The following NRG1 variants were observed in gnomAD, a reference collection of about 807,000 sequenced individuals.
The protein encoded by NRG1 is neuregulin 1.
A neutral mutation model predicts 63.8 loss-of-function variants in NRG1; 18 were observed. The observed-to-expected ratio is 0.28, with a 90% CI of 0.19 to 0.42. The LOEUF (loss-of-function observed/expected upper bound fraction) is 0.42. Ranked by LOEUF, NRG1 falls within the 10% of genes least tolerant of loss-of-function variation. The pLI is 1.00. For missense variants in NRG1, 762 were observed against 814.7 expected, an observed-to-expected ratio of 0.94 and a Z score of 0.79; for synonymous variants, 302 against 301.3, an observed-to-expected ratio of 1.00 and a Z score of -0.02.
intron 1 of NRG1, among the ~76,000 whole-genome samples, chr8:31,661,976 G>A (rs1283690458): frequency 2.0e-5 from 3 of 152,132 alleles, no homozygotes; most frequent in East Asian, 1.9e-4. Flanking sequence ...TTCCTCAAAC[G>A]AGTTTCTGAA....
intron 1 of NRG1, among the ~76,000 whole-genome samples, chr8:31,918,378 C>A (rs568416995): frequency 6.6e-6 from 1 of 152,106 alleles, no homozygotes; most frequent in African/African-American, 2.4e-5. Context: ...TATGTCCCAT[C>A]GATACCTAAT....
chr8:31,692,849 T>C (rs993855551), intron 1 of NRG1, among the ~76,000 whole-genome samples: 1 of 152,056 alleles, frequency 6.6e-6, no homozygotes. Context: ...TTGTGAGGGG[T>C]TGGAACCTGA....
rs116183863 is a variant in NRG1, at chr8:32,764,024, C to A, written c.1536C>A (p.Ser512Arg). The A allele has an allele frequency of 2.7e-4, 435 of 1,614,102 alleles. 2 individuals carry two copies. Among genetic ancestry groups the A allele is most frequent in the Middle Eastern group, 1.7e-4 (1 of 6,060 alleles). The change falls in exon 12 of 12, where the codon AGC becomes AGA. Residue 512 changes from serine to arginine, a missense_variant. Around this residue, in one of 3 missense-constraint regions of NRG1, gnomAD observed 503 missense variants for 506.8 expected, o/e 0.99. Coordinates refer to ENST00000356819, the Ensembl canonical transcript of NRG1. ...ATGACAGTAACAGCCTCCCTGCTAGCCCCTTGAGGATAGTGGAGGATGAGG... is the reference window on the plus strand; with the variant it reads ...ATGACAGTAACAGCCTCCCTGCTAGACCCTTGAGGATAGTGGAGGATGAGG...
At chr8:31,768,121 A>T (rs10109836) in intron 1 of NRG1, among the ~76,000 whole-genome samples, 7,970 of 152,222 alleles carry the variant, frequency 0.052, 719 homozygotes, top group African/African-American at 0.18. Flanking sequence ...AAAGAAGTAG[A>T]ATGGGAGAGA....
upstream of NRG1, among the ~76,000 whole-genome samples, chr8:32,546,506 A>G (rs775786107): frequency 6.6e-6 from 1 of 152,194 alleles, no homozygotes. Context: ...TTTCCTGCTT[A>G]CTGAGCAGTG....
intron 1 of NRG1, among the ~76,000 whole-genome samples, chr8:32,326,785 T>A (rs912699818): frequency 7.2e-5 from 11 of 152,166 alleles, no homozygotes; most frequent in African/African-American, 2.4e-4. Flanking sequence ...TACTCAAAGT[T>A]CTTCAGAGAT....
chr8:32,545,014 T>G (rs1020075802), upstream of NRG1, among the ~76,000 whole-genome samples: 1 of 152,238 alleles, frequency 6.6e-6, no homozygotes, highest in Non-Finnish European at 1.5e-5. Context: ...TTAAAAAAGT[T>G]AAAAGTGACT....
At chr8:31,683,782 G>T (rs1808586123) in intron 1 of NRG1, among the ~76,000 whole-genome samples, 1 of 152,032 alleles carries the variant, frequency 6.6e-6, no homozygotes, top group Admixed American at 6.6e-5. Context: ...GGGAAGCTGT[G>T]CATGTGGGTG....
At chr8:32,460,205 C>T (rs1202832208) in intron 1 of NRG1, among the ~76,000 whole-genome samples, 1 of 152,162 alleles carries the variant, frequency 6.6e-6, no homozygotes, top group Admixed American at 6.5e-5. Context: ...TAGAAGACAC[C>T]ATCTAAAGTG....
chr8:32,430,593 C>T (rs1401023440), intron 1 of NRG1, among the ~76,000 whole-genome samples: 2 of 152,122 alleles, frequency 1.3e-5, no homozygotes, highest in African/African-American at 4.8e-5. Context: ...TATCTGACAA[C>T]TTGCAAATAT....
intron 6 of NRG1, 52 bp downstream of exon 6, chr8:32,728,130 A>G: frequency 1.2e-6 from 2 of 1,607,272 alleles, no homozygotes; most frequent in Non-Finnish European, 8.5e-7. Flanking sequence ...CTTGTTTCAG[A>G]TGATTCTATG....
chr8:31,845,890 G>A (rs1226524322), intron 1 of NRG1, among the ~76,000 whole-genome samples: 10 of 152,048 alleles, frequency 6.6e-5, no homozygotes, highest in African/African-American at 1.9e-4. Flanking sequence ...ATCTGTTTAC[G>A]AGACCTCACT....
intron 1 of NRG1, among the ~76,000 whole-genome samples, chr8:32,029,004 ATTCATCT>A (rs1563698125): frequency 6.6e-6 from 1 of 152,170 alleles, no homozygotes; most frequent in Non-Finnish European, 1.5e-5. Flanking sequence ...TGAAAGTGGC[ATTCATCT>A]CTATGGGTAG....
At chr8:32,038,497 TG>T (rs1022670629) in intron 1 of NRG1, among the ~76,000 whole-genome samples, 2 of 152,200 alleles carry the variant, frequency 1.3e-5, no homozygotes, top group African/African-American at 4.8e-5. Context: ...ACAAGAGATA[TG>T]AAAGTATGTA....
At chr8:31,812,379 T>TG (rs1822974311) in intron 1 of NRG1, among the ~76,000 whole-genome samples, 1 of 152,094 alleles carries the variant, frequency 6.6e-6, no homozygotes, top group African/African-American at 2.4e-5. Context: ...AATTCCCAGG[T>TG]GATGTGGCTG....
At chr8:31,716,721 A>G (rs1378509716) in intron 1 of NRG1, among the ~76,000 whole-genome samples, 2 of 152,206 alleles carry the variant, frequency 1.3e-5, no homozygotes, top group African/African-American at 4.8e-5. Context: ...TATTTAGAAG[A>G]CTACTGTCTA....
intron 5 of NRG1, among the ~76,000 whole-genome samples, chr8:32,649,132 AGTACAAGATCCATTAGTGAG>A (rs1233377902): frequency 2.0e-5 from 3 of 151,564 alleles, no homozygotes; most frequent in Admixed American, 6.6e-5. Context: ...GTTGTTAAAA[AGTACAAGATCCATTAGTGAG>A]GTACATCTTT....
chr8:32,548,920 T>G (rs1038303682), intron 1 of NRG1, 94 bp downstream of exon 1: 11 of 1,410,002 alleles, frequency 7.8e-6, no homozygotes, highest in Non-Finnish European at 1.0e-5. Flanking sequence ...CCTCCCCCTC[T>G]CCCTCGCCCG....
At chr8:31,928,352 T>TAAAAAA (rs77001238) in intron 1 of NRG1, among the ~76,000 whole-genome samples, 1,389 of 80,076 alleles carry the variant, frequency 0.017, 73 homozygotes, top group African/African-American at 0.064. Context: ...ATGGATGTGG[T>TAAAAAA]AAAAAAAAAA....
Sources: gnomAD v4.1 joint callset for allele counts (sites outside exome capture counted in the v4.1 genomes callset) on GRCh38, gnomAD v4.1.1 for gene constraint, gnomAD v4.1.1 regional missense constraint, MANE v1.5 for transcripts, NCBI Gene and HGNC (gene_info 2026-07-23, HGNC 2026-07-21) for gene names.